The following PRKAG2 variants were observed in gnomAD, a reference collection of about 807,000 sequenced individuals.
PRKAG2 encodes protein kinase AMP-activated non-catalytic subunit gamma 2, also known as 5'-AMP-activated protein kinase subunit gamma-2.
PRKAG2 carries 26 observed loss-of-function variants against 69.6 expected under a neutral mutation model. The observed-to-expected ratio is 0.37, with a 90% CI of 0.27 to 0.52. The LOEUF (loss-of-function observed/expected upper bound fraction) is 0.52. Ranked by LOEUF, PRKAG2 falls within the 20% of genes least tolerant of loss-of-function variation. The pLI, the probability that PRKAG2 is intolerant of heterozygous loss-of-function variation, is 0.90. For synonymous variants in PRKAG2, 293 were observed against 285.0 expected, an observed-to-expected ratio of 1.03 and a Z score of -0.28; for missense variants, 557 against 740.0, an observed-to-expected ratio of 0.75 and a Z score of 2.87.
chr7:151,758,649 C>T (rs1039988720), intron 3 of PRKAG2, among the ~76,000 whole-genome samples: 5 of 152,052 alleles, frequency 3.3e-5, no homozygotes, highest in East Asian at 1.9e-4. Flanking sequence ...TTCCAAACCC[C>T]GAAGGCACTG....
rs563898943 is a variant in PRKAG2 at position 151,558,165 on chromosome 7, C to A, written c.1679-933G>T. On this transcript the variant is annotated intron_variant, in intron 15 of 15. Coordinates refer to ENST00000287878, the MANE Select transcript of PRKAG2 (RefSeq NM_016203.4). ...GTTCATTTGGACAGTCTAAGTTTGA[C>A]AATGAACTGTTGCTAAAAACTTTTT... is the stretch of plus-strand genomic sequence containing the variant. 10 of 985,410 alleles carry A rather than the reference C, an allele frequency of 1.0e-5. No homozygotes were observed. The South Asian group carries it at 4.7e-4, about 46-fold the overall frequency. 61.0% of individuals were successfully genotyped at this position (985,410 alleles called of 1,614,324 possible). A position where few individuals can be genotyped will look rare whatever the true frequency, so the allele number is the denominator to read the frequency against.
At chr7:151,871,508 C>A (rs575844164) in intron 1 of PRKAG2, among the ~76,000 whole-genome samples, 6 of 152,322 alleles carry the variant, frequency 3.9e-5, no homozygotes, top group Admixed American at 6.5e-5. Context: ...TGGAGCTGTG[C>A]CCATAAAGGT....
intron 1 of PRKAG2, among the ~76,000 whole-genome samples, chr7:151,859,133 C>G (rs527986523): frequency 6.6e-6 from 1 of 152,226 alleles, no homozygotes; most frequent in East Asian, 1.9e-4. Flanking sequence ...AAAAACAGGT[C>G]GCTGGGGCCT....
chr7:151,622,912 A>G (rs1821875334), intron 5 of PRKAG2, among the ~76,000 whole-genome samples: 2 of 152,112 alleles, frequency 1.3e-5, no homozygotes, highest in African/African-American at 2.4e-5. Flanking sequence ...CCTCTAATGC[A>G]GCGGTCCCCA....
Position 151,771,386 on chromosome 7 carries a change from G to C in PRKAG2, c.466+9766C>G, listed in dbSNP as rs1051566915. On this transcript the variant is annotated intron_variant, in intron 3 of 15. Coordinates refer to ENST00000287878, the MANE Select transcript of PRKAG2 (RefSeq NM_016203.4). The surrounding 1 kb of genome is among the most constrained non-coding windows in gnomAD (Gnocchi z 4.0). ...ATTAAATTGGAGTGAGGCTGGTGGT[G>C]GAATGGGAGGTGGGTGCTTAGGGAT... is the stretch of plus-strand genomic sequence containing the variant. 3.9e-5 allele frequency among the ~76,000 whole-genome samples: 6 copies of C among 152,284 alleles called. No individual in the cohort carries two copies. In the South Asian group the frequency reaches 1.2e-3, roughly 32 times the overall value.
intron 3 of PRKAG2, among the ~76,000 whole-genome samples, chr7:151,687,880 T>TAC: frequency 6.6e-6 from 1 of 152,318 alleles, no homozygotes; most frequent in Non-Finnish European, 1.5e-5. Context: ...GTCAGAGGTG[T>TAC]ATCTGCCTTG....
intron 1 of PRKAG2, among the ~76,000 whole-genome samples, chr7:151,852,087 G>C (rs1277443844): frequency 6.6e-6 from 1 of 152,218 alleles, no homozygotes; most frequent in African/African-American, 2.4e-5. Flanking sequence ...CTTACTGAGT[G>C]ACAGGACGGA....
At chr7:151,666,908 T>C (rs1831129336) in intron 4 of PRKAG2, among the ~76,000 whole-genome samples, 1 of 152,196 alleles carries the variant, frequency 6.6e-6, no homozygotes, top group African/African-American at 2.4e-5. Context: ...TCCCATGTAT[T>C]TTCCATGGTG....
intron 4 of PRKAG2, chr7:151,674,916 GTTTC>G (rs2151474771): frequency 5.6e-6 from 1 of 178,052 alleles, no homozygotes; most frequent in African/African-American, 2.4e-5. Context: ...TTTTCATTTT[GTTTC>G]TTTTTTTCTT....
At chr7:151,763,727 G>A (rs2075566889) in intron 3 of PRKAG2, among the ~76,000 whole-genome samples, 1 of 152,186 alleles carries the variant, frequency 6.6e-6, no homozygotes, top group African/African-American at 2.4e-5. Context: ...ATGGACCCTG[G>A]GCCTCTGCCC....
intron 3 of PRKAG2, among the ~76,000 whole-genome samples, chr7:151,724,146 GACCT>G (rs1323722511): frequency 6.6e-6 from 1 of 152,052 alleles, no homozygotes; most frequent in East Asian, 1.9e-4. Flanking sequence ...TGCTGGTGGG[GACCT>G]ACCTGTCTTG....
At chr7:151,823,715 C>T (rs1474154781) in intron 1 of PRKAG2, among the ~76,000 whole-genome samples, 1 of 152,128 alleles carries the variant, frequency 6.6e-6, no homozygotes, top group Non-Finnish European at 1.5e-5. Flanking sequence ...TCCTATGATC[C>T]TTTACCAGGG....
At chr7:151,596,021 A>G (rs1450506739) in intron 5 of PRKAG2, among the ~76,000 whole-genome samples, 1 of 151,848 alleles carries the variant, frequency 6.6e-6, no homozygotes, top group Non-Finnish European at 1.5e-5. Flanking sequence ...CTAATAAAAT[A>G]AAATAAAAAT....
At position 151,809,049 on chromosome 7, in the gene PRKAG2, C is replaced by T. The variant is rs567022175; in HGVS notation, c.115-22508G>A. Among the ~76,000 whole-genome samples the T allele has an allele frequency of 2.0e-5, 3 of 152,346 alleles. No homozygotes were observed. The East Asian group carries it at 5.8e-4, about 29-fold the overall frequency. ...TGTTGGAAGATGCCAGTGAGCACGTCTCAGGGCTCTACGCCTTGCACGGAT... is the reference window on the plus strand; with the variant it reads ...TGTTGGAAGATGCCAGTGAGCACGTTTCAGGGCTCTACGCCTTGCACGGAT... On this transcript the variant is annotated intron_variant, in intron 1 of 15. Coordinates refer to ENST00000287878, the MANE Select transcript of PRKAG2 (RefSeq NM_016203.4).
At chr7:151,669,981 C>T (rs1585637204) in intron 4 of PRKAG2, among the ~76,000 whole-genome samples, 1 of 71,330 alleles carries the variant, frequency 1.4e-5, no homozygotes, top group African/African-American at 6.2e-5. Context: ...CACCTGTGCA[C>T]ACACACTTGC....
chr7:151,575,114 T>G (rs967190468), intron 7 of PRKAG2, among the ~76,000 whole-genome samples, 165 bp from the exon 8 acceptor site: 2 of 152,236 alleles, frequency 1.3e-5, no homozygotes, highest in Non-Finnish European at 2.9e-5. Flanking sequence ...GTGTTAATTG[T>G]GTATACCAAA....
chr7:151,590,397 T>A (rs1033058481), intron 6 of PRKAG2, among the ~76,000 whole-genome samples: 1 of 152,140 alleles, frequency 6.6e-6, no homozygotes, highest in African/African-American at 2.4e-5. Flanking sequence ...GCGGAATTGG[T>A]GGCATCACCA....
At chr7:151,822,939 G>A (rs2078823187) in intron 1 of PRKAG2, among the ~76,000 whole-genome samples, 2 of 152,212 alleles carry the variant, frequency 1.3e-5, no homozygotes, top group Non-Finnish European at 2.9e-5. Context: ...TAATCAGCCT[G>A]GGGAAGCTGA....
intron 4 of PRKAG2, among the ~76,000 whole-genome samples, chr7:151,674,212 A>G (rs570400753): frequency 3.9e-5 from 6 of 152,296 alleles, no homozygotes; most frequent in African/African-American, 1.4e-4. Context: ...TGAGAACGGG[A>G]CAGAGACTGG....
Sources: gnomAD v4.1 joint callset for allele counts (sites outside exome capture counted in the v4.1 genomes callset) on GRCh38, gnomAD v4.1.1 for gene constraint, Gnocchi (gnomAD v3.1) non-coding constraint, MANE v1.5 for transcripts, NCBI Gene and HGNC (gene_info 2026-07-23, HGNC 2026-07-21) for gene names.